The following DENND1B variants were observed in gnomAD, a reference collection of about 807,000 sequenced individuals.
DENND1B encodes the protein DENN domain-containing protein 1B.
Under a neutral mutation model 90.1 loss-of-function variants are expected in DENND1B, and 59 were observed. That is an observed-to-expected ratio of 0.65 (90% confidence interval 0.53 to 0.81). DENND1B has a LOEUF of 0.81. DENND1B is among the 40% of genes least tolerant of loss of function. The pLI is 0.00. For missense variants in DENND1B, 862 were observed against 912.6 expected, an observed-to-expected ratio of 0.94 and a Z score of 0.71; for synonymous variants, 337 against 324.6, an observed-to-expected ratio of 1.04 and a Z score of -0.41.
upstream of DENND1B, among the ~76,000 whole-genome samples, chr1:197,780,493 T>C (rs1657399909): frequency 6.6e-6 from 1 of 151,968 alleles, no homozygotes; most frequent in Non-Finnish European, 1.5e-5. Context: ...GCCTAGCTAA[T>C]TTTTGTATTT....
At chr1:197,565,453 T>C (rs989507505) in intron 15 of DENND1B, among the ~76,000 whole-genome samples, 2 of 151,372 alleles carry the variant, frequency 1.3e-5, no homozygotes, top group African/African-American at 4.8e-5. Flanking sequence ...ACTTTACTCC[T>C]ATAATTTTCT....
chr1:197,735,400 T>G, intron 2 of DENND1B: 1 of 1,410,942 alleles, frequency 7.1e-7, no homozygotes, highest in Non-Finnish European at 9.2e-7. Context: ...GTCCAAGACC[T>G]CAGAGAATTC....
chr1:197,714,869 A>T (rs1157061520), intron 3 of DENND1B, among the ~76,000 whole-genome samples, 162 bp downstream of exon 3: 1 of 152,146 alleles, frequency 6.6e-6, no homozygotes, highest in Non-Finnish European at 1.5e-5. Flanking sequence ...AGATTCTTCC[A>T]TATATTCCGC....
At chr1:197,751,341 A>G (rs1347943300) in intron 2 of DENND1B, among the ~76,000 whole-genome samples, 1 of 152,244 alleles carries the variant, frequency 6.6e-6, no homozygotes, top group Non-Finnish European at 1.5e-5. Flanking sequence ...CGGATCAAGA[A>G]AGAAGTCACA....
chr1:197,713,722 C>G (rs1176599326), intron 3 of DENND1B, among the ~76,000 whole-genome samples: 3 of 64,110 alleles, frequency 4.7e-5, no homozygotes, highest in Non-Finnish European at 9.1e-5. Context: ...TACTCTAAAA[C>G]TTAGAGTATA....
chr1:197,507,771 T>C lies in DENND1B; in HGVS notation c.*2689A>G, dbSNP rs1171903814. 1 of 151,646 alleles carries C rather than the reference T, an allele frequency of 6.6e-6. No individual in the cohort carries two copies. The allele number at this position is 151,646 out of a possible 1,614,324, so 9.4% of individuals were successfully genotyped here. ...ATTTCGGAACTCACCCAGTTTAATT[T>C]CATTCTCACTATAACCACCATAATA... On this transcript the variant is annotated 3_prime_UTR_variant, in exon 23 of 23. Transcript: ENST00000620048.
At chr1:197,674,080 TA>T in intron 4 of DENND1B, 39 bp downstream of exon 4, 1 of 1,400,568 alleles carries the variant, frequency 7.1e-7, no homozygotes, top group Non-Finnish European at 9.9e-7. Context: ...GTATGTACTA[TA>T]AGAATCTACA....
chr1:197,690,947 C>A (rs918385566), intron 3 of DENND1B, among the ~76,000 whole-genome samples: 2 of 151,648 alleles, frequency 1.3e-5, no homozygotes, highest in African/African-American at 2.4e-5. Context: ...TAGACTTAAA[C>A]ATAAGACGTG....
In DENND1B at chr1:197,617,652, A is replaced by G. The variant is rs747047707; in HGVS notation, c.773+7T>C. 6 of 1,602,038 alleles carry G rather than the reference A, an allele frequency of 3.7e-6. No homozygotes were observed. In the Admixed American group the frequency reaches 5.0e-5, roughly 13 times the overall value. ...AACTTAAAGGAGTCTGGCAAAAGCC[A>G]GCTTACCAGCAGTAGTCCAGCAGGT... On this transcript the variant is annotated splice_region_variant and intron_variant, in intron 11 of 22. Coordinates refer to ENST00000620048, the MANE Select transcript of DENND1B (RefSeq NM_001195215.2).
chr1:197,581,147 A>G (rs971784717), intron 15 of DENND1B, among the ~76,000 whole-genome samples: 3 of 152,210 alleles, frequency 2.0e-5, no homozygotes, highest in Non-Finnish European at 4.4e-5. Context: ...CCATATGAGT[A>G]GTATCTTTGA....
chr1:197,546,585 G>C, intron 17 of DENND1B, 148 bp downstream of exon 17: 1 of 739,654 alleles, frequency 1.4e-6, no homozygotes. Flanking sequence ...AACTATAAAC[G>C]TAAAATAAGA....
chr1:197,624,801 C>T (rs1678509209), intron 10 of DENND1B, among the ~76,000 whole-genome samples: 1 of 151,684 alleles, frequency 6.6e-6, no homozygotes, highest in East Asian at 1.9e-4. Flanking sequence ...ACTAGAATAA[C>T]CAATACAGAG....
At chr1:197,680,685 T>C (rs969655368) in intron 3 of DENND1B, among the ~76,000 whole-genome samples, 4 of 152,138 alleles carry the variant, frequency 2.6e-5, no homozygotes, top group African/African-American at 9.7e-5. Context: ...TATTCTTAGA[T>C]TTAAAAAAGA....
At chr1:197,586,595 T>C (rs1192159970) in intron 14 of DENND1B, among the ~76,000 whole-genome samples, 4 of 152,214 alleles carry the variant, frequency 2.6e-5, no homozygotes, top group Admixed American at 6.5e-5. Context: ...TATTAGAGAC[T>C]GAAAATATAG....
chr1:197,781,326 C>G, the DENND1B span, among the ~76,000 whole-genome samples: 3 of 152,070 alleles, frequency 2.0e-5, no homozygotes. Context: ...CCTAGACTAA[C>G]TCTGCACAAC....
chr1:197,504,780 A>G lies in DENND1B; in HGVS notation c.*5680T>C, dbSNP rs1667653363. On this transcript the variant is annotated 3_prime_UTR_variant, in exon 23 of 23. Coordinates refer to ENST00000620048, the MANE Select transcript of DENND1B (RefSeq NM_001195215.2). ...GTGACCAATTTTATTTTAGAACTGC[A>G]TTTTTGGGTGTTTTATGGTAATGTA... 6.6e-6 allele frequency: 1 copy of G among 151,808 alleles called. No homozygotes were observed. Among genetic ancestry groups the G allele is most frequent in the Non-Finnish European group, 1.5e-5 (1 of 67,848 alleles). The allele number at this position is 151,808 out of a possible 1,614,324, so 9.4% of individuals were successfully genotyped here.
intron 15 of DENND1B, among the ~76,000 whole-genome samples, chr1:197,561,041 T>G (rs1169977216): frequency 6.6e-6 from 1 of 151,972 alleles, no homozygotes; most frequent in Non-Finnish European, 1.5e-5. Context: ...TAACAATTTT[T>G]CCTTCTCTCT....
At chr1:197,738,502 C>T (rs1054249143) in intron 2 of DENND1B, among the ~76,000 whole-genome samples, 2 of 152,282 alleles carry the variant, frequency 1.3e-5, no homozygotes, top group Admixed American at 1.3e-4. Flanking sequence ...TCATAGAAGA[C>T]TTGGGTTATT....
rs1338153377 is a variant in DENND1B at position 197,506,710 on chromosome 1, C to A, written c.*3750G>T. 1 of 151,460 alleles carries A rather than the reference C, an allele frequency of 6.6e-6. No homozygotes were observed. 9.4% of individuals were successfully genotyped at this position (151,460 alleles called of 1,614,324 possible). A position where few individuals can be genotyped will look rare whatever the true frequency, so the allele number is the denominator to read the frequency against. On this transcript the variant is annotated 3_prime_UTR_variant, in exon 23 of 23. Coordinates refer to ENST00000620048, the MANE Select transcript of DENND1B (RefSeq NM_001195215.2). The stretch of plus-strand genomic sequence containing the variant: ...TTATTAGGATATTCGCATAGAATAG[C>A]ACTAGTAACAGCAGTCACATAGTTT...
Sources: allele counts gnomAD v4.1 joint callset (sites outside exome capture counted in the v4.1 genomes callset), GRCh38; gene constraint gnomAD v4.1.1; transcripts MANE v1.5; gene names NCBI Gene and HGNC (gene_info 2026-07-23, HGNC 2026-07-21).